ATAD2B: variants seen among roughly 807,000 people sequenced by gnomAD.
ATAD2B encodes ATPase family AAA domain-containing protein 2B.
Under a neutral mutation model 167.6 loss-of-function variants are expected in ATAD2B, and 40 were observed. That is an observed-to-expected ratio of 0.24 (90% CI 0.19 to 0.31). ATAD2B has a LOEUF of 0.31. ATAD2B is among the 10% of genes least tolerant of loss of function. The pLI, the probability that ATAD2B is intolerant of heterozygous loss-of-function variation, is 1.00. For missense variants in ATAD2B, 1,242 were observed against 1,757.2 expected, an observed-to-expected ratio of 0.71 and a Z score of 5.24; for synonymous variants, 579 against 596.5, an observed-to-expected ratio of 0.97 and a Z score of 0.43.
At chr2:23,838,754 C>G (rs1690405780) in intron 13 of ATAD2B, among the ~76,000 whole-genome samples, 3 of 152,082 alleles carry the variant, frequency 2.0e-5, no homozygotes, top group Admixed American at 6.5e-5. Flanking sequence ...TGCACTGCCT[C>G]TTTTACCATA....
chr2:23,804,202 G>A lies in ATAD2B; in HGVS notation c.2455-5879C>T, dbSNP rs370468627. Among the ~76,000 whole-genome samples, 17 of 152,256 alleles carry A rather than the reference G, an allele frequency of 1.1e-4. No individual in the cohort carries two copies. In the East Asian group the frequency reaches 1.4e-3, roughly 12 times the overall value. On this transcript the variant is annotated intron_variant, in intron 18 of 27. Coordinates refer to ENST00000238789, the MANE Select transcript of ATAD2B (RefSeq NM_017552.4). Reference sequence around the variant, plus strand: ...TATTTAAAAATTCCTCTTACATTATGTAACAGCTTCTTCTTGCCGAATTTG... The same window carrying A: ...TATTTAAAAATTCCTCTTACATTATATAACAGCTTCTTCTTGCCGAATTTG...
the ATAD2B span, among the ~76,000 whole-genome samples, chr2:23,725,580 GA>G: frequency 6.6e-6 from 1 of 152,058 alleles, no homozygotes; most frequent in Non-Finnish European, 1.5e-5. Context: ...GGTACATTGT[GA>G]AAAGTTAGGT....
the ATAD2B span, among the ~76,000 whole-genome samples, chr2:23,741,153 A>G: frequency 6.6e-6 from 1 of 151,460 alleles, no homozygotes; most frequent in East Asian, 1.9e-4. Context: ...ATTCAATGCC[A>G]TCCCAATCAA....
At chr2:23,808,179 TTATA>T (rs1156767470) in intron 18 of ATAD2B, among the ~76,000 whole-genome samples, 30 of 133,440 alleles carry the variant, frequency 2.2e-4, no homozygotes, top group Non-Finnish European at 2.0e-4. Flanking sequence ...TGATATATAT[TTATA>T]TATATATTTA....
intron 17 of ATAD2B, among the ~76,000 whole-genome samples, chr2:23,817,719 AT>A (rs973839067): frequency 6.6e-6 from 1 of 152,248 alleles, no homozygotes; most frequent in Non-Finnish European, 1.5e-5. Context: ...AATAATTATT[AT>A]TAAAACATCT....
chr2:23,858,004 A>C (rs2149981717), intron 12 of ATAD2B, among the ~76,000 whole-genome samples: 1 of 152,108 alleles, frequency 6.6e-6, no homozygotes. Flanking sequence ...CGACCTCCCA[A>C]AGTGCTGGGA....
At chr2:23,720,578 C>CAAAAAAA in the ATAD2B span, among the ~76,000 whole-genome samples, 1 of 126,738 alleles carries the variant, frequency 7.9e-6, no homozygotes, top group Non-Finnish European at 1.6e-5. Flanking sequence ...GACTCCGTCT[C>CAAAAAAA]AAAAAAAAAA....
chr2:23,815,352 TG>T (rs1686281483), intron 17 of ATAD2B, among the ~76,000 whole-genome samples: 1 of 152,138 alleles, frequency 6.6e-6, no homozygotes, highest in Admixed American at 6.5e-5. Flanking sequence ...ACTTGGTCAT[TG>T]ACTAGACAAA....
the ATAD2B span, chr2:23,693,483 G>C: frequency 6.4e-7 from 1 of 1,551,692 alleles, no homozygotes; most frequent in Non-Finnish European, 8.7e-7. Context: ...TGGTGTACGA[G>C]ACAGTCATCA....
intron 19 of ATAD2B, among the ~76,000 whole-genome samples, chr2:23,795,605 G>T (rs1682476039): frequency 6.6e-6 from 1 of 152,012 alleles, no homozygotes; most frequent in South Asian, 2.1e-4. Flanking sequence ...AGCAGGCTAG[G>T]CGCAGTGGCT....
At chr2:23,760,028 C>G (rs1676452446) in intron 24 of ATAD2B, among the ~76,000 whole-genome samples, 1 of 152,116 alleles carries the variant, frequency 6.6e-6, no homozygotes, top group African/African-American at 2.4e-5. Flanking sequence ...GAAACTAGAG[C>G]AAAATGAAGC....
chr2:23,679,094 G>A, the ATAD2B span, among the ~76,000 whole-genome samples: 1 of 151,862 alleles, frequency 6.6e-6, no homozygotes, highest in African/African-American at 2.4e-5. Flanking sequence ...AACTAGCAAA[G>A]GTGAAACCAA....
chr2:23,819,915 T>A, intron 16 of ATAD2B, 33 bp from the exon 17 acceptor site: 1 of 1,479,716 alleles, frequency 6.8e-7, no homozygotes, highest in Non-Finnish European at 9.1e-7. Flanking sequence ...TTATGGGGCT[T>A]ATAAAGTCAT....
chr2:23,833,173 A>G (rs1689339168), intron 14 of ATAD2B, among the ~76,000 whole-genome samples: 1 of 152,186 alleles, frequency 6.6e-6, no homozygotes, highest in African/African-American at 2.4e-5. Context: ...TTGTTTCTCT[A>G]TGGTCTTCCA....
rs941099886 is a variant in ATAD2B, at chr2:23,757,531, G to A, written c.3965C>T (p.Thr1322Ile). The change falls in exon 25 of 28, where the codon ACT becomes ATT. Residue 1322 changes from threonine to isoleucine, a missense_variant. Physicochemically the swap from Thr to Ile is moderately conservative, Grantham distance 89. This residue lies in a region of ATAD2B where 282 missense variants were observed against 346.8 expected (regional missense o/e 0.81). Transcript: ENST00000238789. ...DQSKEKPETS[T>I]ENHGDDLEKL... The stretch of plus-strand genomic sequence containing the variant: ...CTCAAGATCATCTCCATGATTTTCA[G>A]TCGAAGTTTCTGGTTTTTCTTTTGA... The A allele has an allele frequency of 6.3e-6, 10 of 1,592,518 alleles. No individual in the cohort carries two copies. In the Admixed American group the frequency reaches 9.1e-5, roughly 14 times the overall value.
chr2:23,886,562 G>A (rs549472621), intron 4 of ATAD2B, among the ~76,000 whole-genome samples: 31 of 152,166 alleles, frequency 2.0e-4, no homozygotes, highest in African/African-American at 6.3e-4. Flanking sequence ...AAAACAATTT[G>A]TAAAAAGTTT....
At chr2:23,880,857 T>G in intron 6 of ATAD2B, 102 bp from the exon 7 acceptor site, 1 of 700,294 alleles carries the variant, frequency 1.4e-6, no homozygotes, top group Non-Finnish European at 2.4e-6. Flanking sequence ...CATTACTCTT[T>G]CTGCACAGGT....
intron 13 of ATAD2B, among the ~76,000 whole-genome samples, chr2:23,846,030 G>A (rs1333135586): frequency 3.2e-5 from 1 of 30,806 alleles, no homozygotes; most frequent in Admixed American, 3.6e-4. Context: ...CAATAAAGCT[G>A]TTTTGGCCAG....
At chr2:23,818,116 CACACATT>C (rs1558590911) in intron 17 of ATAD2B, among the ~76,000 whole-genome samples, 7 of 91,832 alleles carry the variant, frequency 7.6e-5, no homozygotes, top group African/African-American at 2.3e-4. Context: ...CACACACACA[CACACATT>C]ACACACACAC....
Sources: gnomAD v4.1 joint callset for allele counts (sites outside exome capture counted in the v4.1 genomes callset) on GRCh38, gnomAD v4.1.1 for gene constraint, gnomAD v4.1.1 regional missense constraint, MANE v1.5 for transcripts, NCBI Gene and HGNC (gene_info 2026-07-23, HGNC 2026-07-21) for gene names.